TPRX1: variants seen among roughly 807,000 people sequenced by gnomAD.
TPRX1 encodes the protein tetrapeptide repeat homeobox 1, also known as tetra-peptide repeat homeobox protein 1.
Under a neutral mutation model 8.1 loss-of-function variants are expected in TPRX1, and 2 were observed. That is an observed-to-expected ratio of 0.25 (90% confidence interval 0.10 to 0.78). TPRX1 has a LOEUF of 0.78. TPRX1 is among the 30% of genes least tolerant of loss of function. The pLI is 0.70. For missense variants in TPRX1, 517 were observed against 586.9 expected (o/e 0.88, Z 1.23); for synonymous variants, 257 against 254.1 (o/e 1.01, Z -0.11).
In TPRX1 at chr19:47,818,379, C is replaced by T; in HGVS notation, c.151+89G>A. On this transcript the variant is annotated intron_variant, in intron 2 of 3. Transcript: ENST00000535759. ...ATCCATCCATCCATCATCCATCACCCATCCATCCCTCCATCCATCCATCCA... is the reference window on the plus strand; with the variant it reads ...ATCCATCCATCCATCATCCATCACCTATCCATCCCTCCATCCATCCATCCA... 2 of 411,094 alleles carry T rather than the reference C, an allele frequency of 4.9e-6. 1 individual carries two copies. The highest frequency in any genetic ancestry group is 9.8e-6 in the Non-Finnish European group (2 of 203,202). 25.5% of individuals were successfully genotyped at this position (411,094 alleles called of 1,614,324 possible). A position where few individuals can be genotyped will look rare whatever the true frequency, so the allele number is the denominator to read the frequency against.
At chr19:47,815,076 G>A (rs1172506568) in intron 2 of TPRX1, among the ~76,000 whole-genome samples, 3 of 126,190 alleles carry the variant, frequency 2.4e-5, no homozygotes, top group Admixed American at 8.5e-5. Context: ...TGGGATTACA[G>A]GTGTGAGTCA....
At chr19:47,818,340 T>TCCATCATCCATCCATCCATC (rs1555800344) in intron 2 of TPRX1, 1 of 226,374 alleles carries the variant, frequency 4.4e-6, no homozygotes, top group African/African-American at 5.4e-5. Context: ...CATCCATCCA[T>TCCATCATCCATCCATCCATC]CATCCATCCA....
At chr19:47,807,842 G>A (rs1288357861) in intron 2 of TPRX1, among the ~76,000 whole-genome samples, 1 of 152,052 alleles carries the variant, frequency 6.6e-6, no homozygotes, top group Non-Finnish European at 1.5e-5. Flanking sequence ...TTGATGAAGT[G>A]TAGGTTGGTA....
intron 2 of TPRX1, among the ~76,000 whole-genome samples, chr19:47,818,210 A>G (rs1385818630): frequency 7.2e-6 from 1 of 139,364 alleles, no homozygotes; most frequent in African/African-American, 2.7e-5. Context: ...TCCATCCATC[A>G]CCCATCCATC....
chr19:47,818,547 G>C (rs1453430126), intron 1 of TPRX1: 1 of 456,036 alleles, frequency 2.2e-6, no homozygotes, highest in Non-Finnish European at 4.4e-6. Context: ...TCCTGACAAG[G>C]GCAGACAAGA....
chr19:47,815,305 A>G (rs1427044125), intron 2 of TPRX1, among the ~76,000 whole-genome samples: 1 of 145,538 alleles, frequency 6.9e-6, no homozygotes, highest in East Asian at 2.0e-4. Context: ...CAGGCGTGCA[A>G]CACCATGCCC....
exon 4 of TPRX1, chr19:47,802,852 G>A (rs376503531): frequency 3.5e-5 from 56 of 1,600,560 alleles, no homozygotes; most frequent in Non-Finnish European, 4.1e-5. Context: ...GCTGAGGTGC[G>A]GAGGCAGAGG....
chr19:47,804,007 C>T (rs1014400426), intron 2 of TPRX1, among the ~76,000 whole-genome samples: 3 of 150,920 alleles, frequency 2.0e-5, no homozygotes, highest in Admixed American at 6.6e-5. Flanking sequence ...GCAGGGGAGC[C>T]GCCACCTGCC....
chr19:47,809,466 A>G (rs543831987), intron 2 of TPRX1, among the ~76,000 whole-genome samples: 3 of 152,072 alleles, frequency 2.0e-5, no homozygotes, highest in African/African-American at 4.8e-5. Flanking sequence ...TATTTTTTGT[A>G]GAGACGGGGT....
chr19:47,810,627 G>A (rs557471667), intron 2 of TPRX1, among the ~76,000 whole-genome samples: 75 of 152,040 alleles, frequency 4.9e-4, no homozygotes, highest in East Asian at 2.1e-3. Context: ...GATTACAGGC[G>A]CGTCCAGCCT....
rs538616492 is a variant in TPRX1, at chr19:47,801,785, A to G, written c.1517T>C (p.Leu506Pro). 1.2e-6 allele frequency: 2 copies of G among 1,612,054 alleles called. No individual in the cohort carries two copies. The highest frequency in any genetic ancestry group is 1.3e-5 in the African/African-American group (1 of 74,960). ...GCAGGCACAGGCCCCCTATAAATCC[A>G]GTAATAACCTGGGGCCTGAGTGATT... is the stretch of plus-strand genomic sequence containing the variant. Residue 506 changes from leucine to proline, a missense_variant, in exon 4 of 4, where the codon CTG becomes CCG. Leu to Pro is a moderately conservative substitution (Grantham distance 98). This residue lies in a region of TPRX1 where 506 missense variants were observed against 515.5 expected (regional missense o/e 0.98). Coordinates refer to ENST00000535759, the Ensembl canonical transcript of TPRX1.
intron 2 of TPRX1, among the ~76,000 whole-genome samples, chr19:47,811,645 T>C (rs34307514): frequency 0.27 from 41,310 of 150,648 alleles, 5,910 homozygotes; most frequent in Middle Eastern, 0.37. Context: ...ACTACAGTCA[T>C]GCGCCACCAC....
chr19:47,802,901 C>G (rs1290092733), exon 4 of TPRX1: 1 of 1,572,272 alleles, frequency 6.4e-7, no homozygotes, highest in Non-Finnish European at 8.6e-7. Context: ...TCCTCGGCCT[C>G]TCTGCCCAGG....
At chr19:47,814,166 C>T (rs1169406708) in intron 2 of TPRX1, among the ~76,000 whole-genome samples, 1 of 151,704 alleles carries the variant, frequency 6.6e-6, no homozygotes, top group Non-Finnish European at 1.5e-5. Context: ...AAAGGATTCT[C>T]CTGTCTCAGC....
intron 2 of TPRX1, among the ~76,000 whole-genome samples, chr19:47,815,709 G>A (rs972527873): frequency 6.7e-6 from 1 of 149,928 alleles, no homozygotes; most frequent in Non-Finnish European, 1.5e-5. Context: ...CTACTCAGGA[G>A]GCTGAGACGA....
At chr19:47,803,126 C>A in intron 3 of TPRX1, 146 bp from the exon 3 acceptor site, 1 of 740,396 alleles carries the variant, frequency 1.4e-6, no homozygotes, top group Non-Finnish European at 2.0e-6. Flanking sequence ...GCCCCGGCTC[C>A]AAGGCCTGGA....
intron 2 of TPRX1, among the ~76,000 whole-genome samples, chr19:47,814,318 G>A (rs1967811977): frequency 6.6e-6 from 1 of 152,074 alleles, no homozygotes; most frequent in Non-Finnish European, 1.5e-5. Flanking sequence ...ACCTCCCAAA[G>A]TGTTGGGATT....
At chr19:47,801,778 T>C (rs756260803) in exon 4 of TPRX1, 15 of 1,610,490 alleles carry the variant, frequency 9.3e-6, no homozygotes, top group Non-Finnish European at 1.3e-5. Context: ...AGGCCCCCTA[T>C]AAATCCAGTA....
intron 2 of TPRX1, among the ~76,000 whole-genome samples, chr19:47,808,152 T>C (rs983224852): frequency 6.6e-6 from 1 of 152,138 alleles, no homozygotes; most frequent in Non-Finnish European, 1.5e-5. Flanking sequence ...TTCACTCTTC[T>C]TGCCCAGGCT....
Sources: allele counts gnomAD v4.1 joint callset (sites outside exome capture counted in the v4.1 genomes callset), GRCh38; gene constraint gnomAD v4.1.1; regional missense constraint gnomAD v4.1.1; transcripts MANE v1.5; gene names NCBI Gene and HGNC (gene_info 2026-07-23, HGNC 2026-07-21).